The following ADAMTSL1 variants were observed in gnomAD, a reference collection of about 807,000 sequenced individuals.
ADAMTSL1 encodes ADAMTS like 1, also known as ADAMTS-like protein 1.
Under a neutral mutation model 201.8 loss-of-function variants are expected in ADAMTSL1, and 126 were observed. That is an observed-to-expected ratio of 0.62 (90% CI 0.54 to 0.72). The LOEUF (loss-of-function observed/expected upper bound fraction) is 0.72. ADAMTSL1 is among the 30% of genes least tolerant of loss of function. The pLI, the probability that ADAMTSL1 is intolerant of heterozygous loss-of-function variation, is 0.00. For synonymous variants in ADAMTSL1, 1,121 were observed against 903.4 expected (o/e 1.24, Z -4.32); for missense variants, 2,679 against 2,277.8 (o/e 1.18, Z -3.59).
At chr9:18,274,792 A>G (rs748410245) in intron 2 of ADAMTSL1, among the ~76,000 whole-genome samples, 28 of 152,210 alleles carry the variant, frequency 1.8e-4, no homozygotes, top group Admixed American at 5.9e-4. Flanking sequence ...AGCATTCATT[A>G]TATCATCCTG....
intron 1 of ADAMTSL1, among the ~76,000 whole-genome samples, chr9:18,005,777 T>C (rs953684809): frequency 3.3e-5 from 5 of 152,008 alleles, no homozygotes; most frequent in Admixed American, 2.0e-4. Context: ...CTTTGGCACA[T>C]CACCTAGCCT....
At chr9:18,462,847 G>A (rs1820859081) in intron 2 of ADAMTSL1, among the ~76,000 whole-genome samples, 1 of 152,066 alleles carries the variant, frequency 6.6e-6, no homozygotes, top group Non-Finnish European at 1.5e-5. Flanking sequence ...GCTGAGGCAG[G>A]AGAATCACTT....
chr9:17,995,321 G>C lies in ADAMTSL1; in HGVS notation c.87+88399G>C, dbSNP rs1033864764. 2.6e-5 allele frequency among the ~76,000 whole-genome samples: 4 copies of C among 152,212 alleles called. No homozygotes were observed. In the East Asian group the frequency reaches 7.7e-4, roughly 29 times the overall value. ...GGAATCATATTTCTCATGGGGATTA[G>C]GGAGGTATTCTTTGAAGGTAGGACT... On this transcript the variant is annotated intron_variant, in intron 1 of 29. Transcript: ENST00000680146.
intron 1 of ADAMTSL1, among the ~76,000 whole-genome samples, chr9:17,962,100 T>C (rs1187007151): frequency 1.3e-5 from 2 of 152,202 alleles, no homozygotes; most frequent in Non-Finnish European, 2.9e-5. Flanking sequence ...GGGTCAGAGC[T>C]GGAGATTGGA....
chr9:18,164,586 A>G (rs1247053776), intron 2 of ADAMTSL1, among the ~76,000 whole-genome samples: 1 of 151,724 alleles, frequency 6.6e-6, no homozygotes, highest in African/African-American at 2.4e-5. Flanking sequence ...TCTTTGTGAG[A>G]ATTGGACAGA....
chr9:18,069,035 G>A lies in ADAMTSL1; in HGVS notation c.88-94827G>A, dbSNP rs997549534. 4.6e-4 allele frequency among the ~76,000 whole-genome samples: 70 copies of A among 152,156 alleles called. 2 individuals carry two copies. The highest frequency in any genetic ancestry group is 1.5e-4 in the Non-Finnish European group (10 of 68,024). On this transcript the variant is annotated intron_variant, in intron 1 of 29. Coordinates refer to the ADAMTSL1 transcript ENST00000680146. ...AACAGAACAGCATGTGTAAAGACAG[G>A]AAGATACAAGGAAGAATGGATGGTT...
At chr9:18,798,676 G>A (rs1299884078) in intron 20 of ADAMTSL1, among the ~76,000 whole-genome samples, 1 of 152,158 alleles carries the variant, frequency 6.6e-6, no homozygotes, top group East Asian at 1.9e-4. Context: ...CAAGGGAGAT[G>A]GCTTGTGATG....
intron 2 of ADAMTSL1, among the ~76,000 whole-genome samples, chr9:18,225,012 T>G (rs988872882): frequency 6.6e-6 from 1 of 152,172 alleles, no homozygotes; most frequent in Non-Finnish European, 1.5e-5. Context: ...TTAAGGTATA[T>G]AAAACTGTTC....
At chr9:18,830,556 C>T (rs1824911149) in intron 23 of ADAMTSL1, among the ~76,000 whole-genome samples, 1 of 152,118 alleles carries the variant, frequency 6.6e-6, no homozygotes, top group Admixed American at 6.5e-5. Flanking sequence ...GAAACCTTCA[C>T]CAAGTTATTT....
intron 2 of ADAMTSL1, among the ~76,000 whole-genome samples, chr9:18,192,414 A>G (rs2132236159): frequency 6.6e-6 from 1 of 152,296 alleles, no homozygotes; most frequent in South Asian, 2.1e-4. Context: ...TTATAAACAG[A>G]TCAAATGTAA....
At chr9:18,676,634 C>T (rs1034336182) in intron 10 of ADAMTSL1, among the ~76,000 whole-genome samples, 1 of 152,032 alleles carries the variant, frequency 6.6e-6, no homozygotes, top group Non-Finnish European at 1.5e-5. Flanking sequence ...GCATTGGAAA[C>T]AGCTCCACAG....
intron 2 of ADAMTSL1, among the ~76,000 whole-genome samples, chr9:18,317,992 C>G (rs569815923): frequency 7.9e-5 from 12 of 152,202 alleles, no homozygotes; most frequent in African/African-American, 2.6e-4. Context: ...CCTTAGCAGC[C>G]CAGAACACTG....
At chr9:18,714,512 C>T (rs1832797993) in intron 14 of ADAMTSL1, among the ~76,000 whole-genome samples, 1 of 147,984 alleles carries the variant, frequency 6.8e-6, no homozygotes, top group Admixed American at 6.9e-5. Flanking sequence ...TGGATAAATT[C>T]CTCAACACAT....
intron 2 of ADAMTSL1, among the ~76,000 whole-genome samples, chr9:18,248,604 A>G (rs186292984): frequency 6.6e-6 from 1 of 152,336 alleles, no homozygotes; most frequent in African/African-American, 2.4e-5. Flanking sequence ...AAGCAGTAGC[A>G]TATAAAAATC....
chr9:18,085,540 CTG>C (rs1224064636), intron 1 of ADAMTSL1, among the ~76,000 whole-genome samples: 3 of 138,136 alleles, frequency 2.2e-5, no homozygotes, highest in African/African-American at 5.7e-5. Flanking sequence ...TATATATATA[CTG>C]TGTATACATA....
intron 3 of ADAMTSL1, among the ~76,000 whole-genome samples, chr9:18,534,125 A>G (rs1819612229): frequency 3.9e-5 from 6 of 152,224 alleles, no homozygotes; most frequent in Non-Finnish European, 7.3e-5. Flanking sequence ...ATATTAGTTC[A>G]GTGAATAATG....
At chr9:18,446,227 A>G (rs1319809164) in intron 2 of ADAMTSL1, among the ~76,000 whole-genome samples, 1 of 152,214 alleles carries the variant, frequency 6.6e-6, no homozygotes. Flanking sequence ...CAGAAACTCT[A>G]TATATGGGCT....
intron 2 of ADAMTSL1, among the ~76,000 whole-genome samples, chr9:18,308,459 G>C (rs951388361): frequency 2.0e-4 from 30 of 151,990 alleles, no homozygotes; most frequent in African/African-American, 6.8e-4. Context: ...TACTAAAGGA[G>C]AAAAGAGAAG....
At chr9:18,421,315 A>G (rs1258679880) in intron 2 of ADAMTSL1, among the ~76,000 whole-genome samples, 1 of 152,096 alleles carries the variant, frequency 6.6e-6, no homozygotes, top group Non-Finnish European at 1.5e-5. Flanking sequence ...CATTTATTGA[A>G]CACCTATTTT....
Sources: allele counts gnomAD v4.1 joint callset (sites outside exome capture counted in the v4.1 genomes callset), GRCh38; gene constraint gnomAD v4.1.1; transcripts MANE v1.5; gene names NCBI Gene and HGNC (gene_info 2026-07-23, HGNC 2026-07-21).